The following TENM3 variants were observed in gnomAD, a reference collection of about 807,000 sequenced individuals.
TENM3 encodes the protein teneurin-3.
In TENM3, 63 loss-of-function variants were observed where a neutral mutation model predicts 255.1. That is an observed-to-expected ratio of 0.25 (90% CI 0.20 to 0.30). The LOEUF (loss-of-function observed/expected upper bound fraction) is 0.30. Ranked by LOEUF, TENM3 falls within the 10% of genes least tolerant of loss-of-function variation. The pLI, the probability that TENM3 is intolerant of heterozygous loss-of-function variation, is 1.00. For missense variants in TENM3, 2,929 were observed against 3,461.1 expected, an observed-to-expected ratio of 0.85 and a Z score of 3.86; for synonymous variants, 1,306 against 1,322.3, an observed-to-expected ratio of 0.99 and a Z score of 0.27.
At chr4:181,495,862 C>A in the TENM3 span, among the ~76,000 whole-genome samples, 1 of 118,556 alleles carries the variant, frequency 8.4e-6, no homozygotes, top group Non-Finnish European at 1.7e-5. Context: ...AAATGCCCAG[C>A]AAAATTCCAG....
the TENM3 span, among the ~76,000 whole-genome samples, chr4:181,692,067 G>A: frequency 6.6e-6 from 1 of 152,164 alleles, no homozygotes; most frequent in East Asian, 1.9e-4. Context: ...ATTTTGAAAT[G>A]AGGTGATTAG....
the TENM3 span, among the ~76,000 whole-genome samples, chr4:182,119,355 G>A: frequency 1.3e-5 from 2 of 152,150 alleles, no homozygotes; most frequent in Non-Finnish European, 2.9e-5. Context: ...TCACAAAAGT[G>A]TGAAGGCCCC....
intron 16 of TENM3, among the ~76,000 whole-genome samples, chr4:182,732,002 C>T (rs544858955): frequency 6.6e-6 from 1 of 151,892 alleles, no homozygotes; most frequent in Non-Finnish European, 1.5e-5. Context: ...AGGATGGTCT[C>T]CATCTCCTGA....
chr4:181,682,358 C>T, the TENM3 span, among the ~76,000 whole-genome samples: 11 of 152,036 alleles, frequency 7.2e-5, no homozygotes, highest in African/African-American at 2.7e-4. Context: ...TCTTTTTCTC[C>T]TTTAAGTATG....
the TENM3 span, among the ~76,000 whole-genome samples, chr4:181,649,221 A>T: frequency 0.032 from 4,893 of 152,240 alleles, 138 homozygotes; most frequent in South Asian, 0.11. Context: ...AATAGTTTTC[A>T]TTGGCTCCCT....
chr4:181,839,134 T>G, the TENM3 span, among the ~76,000 whole-genome samples: 2 of 151,020 alleles, frequency 1.3e-5, no homozygotes, highest in African/African-American at 2.4e-5. Flanking sequence ...CTATGAGTAA[T>G]TTAGAAATAG....
At chr4:182,027,046 G>T in the TENM3 span, among the ~76,000 whole-genome samples, 1 of 151,958 alleles carries the variant, frequency 6.6e-6, no homozygotes, top group Non-Finnish European at 1.5e-5. Context: ...GATTGCTTTG[G>T]GTAGGGTGGA....
chr4:181,806,739 A>G, the TENM3 span, among the ~76,000 whole-genome samples: 2 of 152,190 alleles, frequency 1.3e-5, no homozygotes, highest in Admixed American at 6.5e-5. Context: ...TCTGTCCTTA[A>G]CAAATTACCC....
the TENM3 span, among the ~76,000 whole-genome samples, chr4:181,825,465 A>G: frequency 6.6e-6 from 1 of 151,608 alleles, no homozygotes; most frequent in Non-Finnish European, 1.5e-5. Context: ...CTCTAAAACT[A>G]GTAAGAGAAA....
At chr4:182,278,976 G>A (rs1052409057) in intron 1 of TENM3, among the ~76,000 whole-genome samples, 2 of 152,204 alleles carry the variant, frequency 1.3e-5, no homozygotes, top group African/African-American at 4.8e-5. Context: ...TGGAGGCTGC[G>A]CTTGAAGACA....
At chr4:181,880,950 T>C in the TENM3 span, among the ~76,000 whole-genome samples, 1 of 152,192 alleles carries the variant, frequency 6.6e-6, no homozygotes, top group African/African-American at 2.4e-5. Context: ...GGAGTCATGT[T>C]TTGGGTTTTA....
intron 3 of TENM3, among the ~76,000 whole-genome samples, chr4:182,458,150 G>A (rs1774019256): frequency 6.6e-6 from 1 of 152,108 alleles, no homozygotes; most frequent in African/African-American, 2.4e-5. Context: ...AATGAGGTGT[G>A]ATCATCTATG....
intron 13 of TENM3, among the ~76,000 whole-genome samples, chr4:182,721,239 A>G (rs1301963458): frequency 7.9e-5 from 12 of 152,312 alleles, no homozygotes; most frequent in East Asian, 1.9e-4. Context: ...AAGTCGTGGT[A>G]CAGAGATACT....
intron 22 of TENM3, among the ~76,000 whole-genome samples, chr4:182,758,525 G>C (rs1762895992): frequency 6.6e-6 from 1 of 152,128 alleles, no homozygotes; most frequent in Non-Finnish European, 1.5e-5. Flanking sequence ...TGTGCGGCGG[G>C]ATGTGAGCAT....
chr4:181,908,212 T>A, the TENM3 span, among the ~76,000 whole-genome samples: 25 of 152,338 alleles, frequency 1.6e-4, no homozygotes, highest in African/African-American at 6.0e-4. Context: ...AAATTCAATG[T>A]GCCCATATAT....
intron 3 of TENM3, among the ~76,000 whole-genome samples, chr4:182,406,666 C>T (rs1010436520): frequency 6.6e-6 from 1 of 152,166 alleles, no homozygotes; most frequent in East Asian, 1.9e-4. Context: ...CATTTCCTCC[C>T]CCCAGTTTTA....
At position 182,171,776 on chromosome 4, in the gene TENM3, T is replaced by G. The variant is rs181788680; in HGVS notation, c.-76+27022T>G. Among the ~76,000 whole-genome samples, 5 of 152,332 alleles carry G rather than the reference T, an allele frequency of 3.3e-5. No homozygotes were observed. In the East Asian group the frequency reaches 9.6e-4, roughly 29 times the overall value. On this transcript the variant is annotated intron_variant, in intron 1 of 2. Coordinates refer to the TENM3 transcript ENST00000512480. ...AATAAATAGTGTGTTGTAAAAGTCTTACTAAAAGTGGCTAAGTTGATATCA... is the reference window on the plus strand; with the variant it reads ...AATAAATAGTGTGTTGTAAAAGTCTGACTAAAAGTGGCTAAGTTGATATCA...
chr4:182,038,798 A>G, the TENM3 span, among the ~76,000 whole-genome samples: 1 of 152,134 alleles, frequency 6.6e-6, no homozygotes, highest in African/African-American at 2.4e-5. Context: ...CAGTGGCGCA[A>G]TCTTGACTCA....
chr4:181,851,290 A>C, the TENM3 span, among the ~76,000 whole-genome samples: 1 of 152,128 alleles, frequency 6.6e-6, no homozygotes, highest in Non-Finnish European at 1.5e-5. Context: ...TACCCCTCCC[A>C]GCACTCTCAA....
Sources: allele counts gnomAD v4.1 joint callset (sites outside exome capture counted in the v4.1 genomes callset), GRCh38; gene constraint gnomAD v4.1.1; transcripts MANE v1.5; gene names NCBI Gene and HGNC (gene_info 2026-07-23, HGNC 2026-07-21).